The following CLTB variants were observed in gnomAD, a reference collection of about 807,000 sequenced individuals.
The protein encoded by CLTB is clathrin, light chain (Lcb).
In CLTB, 10 loss-of-function variants were observed where a neutral mutation model predicts 30.5. That is an observed-to-expected ratio of 0.33 (90% CI 0.20 to 0.56). The LOEUF (loss-of-function observed/expected upper bound fraction) is 0.56, where lower values mean the gene tolerates loss of function less well. Among genes scored for constraint, CLTB ranks in the 20% least tolerant of loss-of-function variants. The probability of loss-of-function intolerance (pLI) is 0.91; values close to 1 mark genes in which losing one functional copy is unlikely to be tolerated. For missense variants in CLTB, 261 were observed against 308.3 expected (o/e 0.85, Z 1.15); for synonymous variants, 102 against 120.3 (o/e 0.85, Z 1.00).
chr5:176,406,769 G>T, intron 2 of CLTB: 1 of 1,208,850 alleles, frequency 8.3e-7, no homozygotes, highest in Middle Eastern at 3.4e-4. Context: ...GAAAGTGTTG[G>T]GTGTGCACAG....
intron 5 of CLTB, among the ~76,000 whole-genome samples, chr5:176,394,908 AGCATC>A (rs1167818601): frequency 6.6e-6 from 1 of 152,078 alleles, no homozygotes; most frequent in Non-Finnish European, 1.5e-5. Context: ...GCTCAACAGA[AGCATC>A]GAGCCCCCTG....
At chr5:176,416,565 A>T, upstream of CLTB, 1 of 234,888 alleles carries the variant, frequency 4.3e-6, no homozygotes, top group Non-Finnish European at 7.7e-6. Flanking sequence ...CGGCGGGAGG[A>T]GCGGAGCCGG....
At chr5:176,396,142 CAAAA>C (rs1283361113) in intron 5 of CLTB, among the ~76,000 whole-genome samples, 3 of 152,100 alleles carry the variant, frequency 2.0e-5, no homozygotes, top group Admixed American at 2.0e-4. Context: ...TCTCAAAAAA[CAAAA>C]AACCCTTCAC....
At chr5:176,402,669 A>C (rs1222276703) in intron 2 of CLTB, among the ~76,000 whole-genome samples, 1 of 152,218 alleles carries the variant, frequency 6.6e-6, no homozygotes, top group Admixed American at 6.5e-5. Flanking sequence ...TTTCAAGAAT[A>C]CTGAATGAAT....
Position 176,416,517 on chromosome 5 carries a change from A to AG in CLTB, c.-155_-154insC. On this transcript the variant is annotated 5_prime_UTR_variant, in exon 1 of 6. Transcript: ENST00000310418. ...GCGCGGACCGCACTTCCTCTCCGCC[A>AG]CCGGGCCCGGCTGGCTGTCACTGCG... The AG allele has an allele frequency of 2.3e-6, 1 of 431,212 alleles. No individual in the cohort carries two copies. Among genetic ancestry groups the AG allele is most frequent in the Non-Finnish European group, 3.4e-6 (1 of 294,000 alleles). 26.7% of individuals were successfully genotyped at this position (431,212 alleles called of 1,614,324 possible). A position where few individuals can be genotyped will look rare whatever the true frequency, so the allele number is the denominator to read the frequency against.
intron 1 of CLTB, among the ~76,000 whole-genome samples, chr5:176,415,952 G>C (rs985697869): frequency 6.6e-6 from 1 of 152,214 alleles, no homozygotes; most frequent in Non-Finnish European, 1.5e-5. Context: ...GAAATGTCAT[G>C]ACCGAATTCC....
At chr5:176,394,791 G>C (rs1290640890) in intron 5 of CLTB, among the ~76,000 whole-genome samples, 1 of 151,920 alleles carries the variant, frequency 6.6e-6, no homozygotes, top group Non-Finnish European at 1.5e-5. Flanking sequence ...CTCCAGCCTG[G>C]GTGACAGAGC....
At chr5:176,394,853 C>G (rs1032484845) in intron 5 of CLTB, among the ~76,000 whole-genome samples, 1 of 152,072 alleles carries the variant, frequency 6.6e-6, no homozygotes. Context: ...GGTCTATACT[C>G]TCTCTTCAGG....
At chr5:176,400,558 C>T (rs1216263199) in intron 2 of CLTB, among the ~76,000 whole-genome samples, 1 of 152,194 alleles carries the variant, frequency 6.6e-6, no homozygotes, top group Non-Finnish European at 1.5e-5. Flanking sequence ...ACCCTCTGGT[C>T]TGGCAAAGCC....
At chr5:176,404,890 C>T (rs1484320423) in intron 2 of CLTB, among the ~76,000 whole-genome samples, 1 of 152,238 alleles carries the variant, frequency 6.6e-6, no homozygotes, top group East Asian at 1.9e-4. Context: ...CTGCCAGTGT[C>T]CCCTCACAGT....
chr5:176,406,766 T>C (rs1298854120), intron 2 of CLTB: 2 of 1,234,154 alleles, frequency 1.6e-6, no homozygotes, highest in Admixed American at 2.5e-5. Context: ...CTTGAAAGTG[T>C]TGGGTGTGCA....
At chr5:176,406,773 T>C (rs1356913591) in intron 2 of CLTB, 64 of 1,199,832 alleles carry the variant, frequency 5.3e-5, no homozygotes, top group Non-Finnish European at 6.9e-5. Context: ...GTGTTGGGTG[T>C]GCACAGGCCA....
intron 5 of CLTB, 117 bp downstream of exon 5, chr5:176,396,362 G>T: frequency 1.1e-6 from 1 of 946,272 alleles, no homozygotes; most frequent in South Asian, 1.3e-5. Flanking sequence ...CTCCTGTTCT[G>T]ACCATTGCTC....
intron 4 of CLTB, among the ~76,000 whole-genome samples, 156 bp downstream of exon 4, chr5:176,397,431 CCTCATGTCCCCACAGCCCGT>C (rs1756584525): frequency 7.0e-6 from 1 of 143,410 alleles, no homozygotes; most frequent in Non-Finnish European, 1.5e-5. Context: ...CCCACAGCTC[CCTCATGTCCCCACAGCCCGT>C]CTCATGTCCC....
At chr5:176,406,262 A>C in intron 2 of CLTB, 1 of 1,031,134 alleles carries the variant, frequency 9.7e-7, no homozygotes, top group Non-Finnish European at 1.2e-6. Flanking sequence ...CTCTGGAGAG[A>C]GAAAGGGGCA....
chr5:176,413,460 G>A (rs1231376282), intron 1 of CLTB, among the ~76,000 whole-genome samples: 1 of 152,198 alleles, frequency 6.6e-6, no homozygotes, highest in Admixed American at 6.5e-5. Flanking sequence ...AGATCACCCA[G>A]GGCCACAGAT....
At position 176,416,334 on chromosome 5, in the gene CLTB, C is replaced by A. The variant is rs1757691524; in HGVS notation, c.30G>T (p.Ser10=). The change falls in exon 1 of 6, where the codon TCG becomes TCT. Residue 10 remains serine, a synonymous_variant. Transcript: ENST00000310418. ...CCGCCTCCGGGGCACCGCTCTCCGA[C>A]GACGAGAAGAAGCCAAAGTCATCAG... MADDFGFFS[S]SESGAPEAAE... is the part of the protein sequence containing the mutation. 3 of 1,601,336 alleles carry A rather than the reference C, an allele frequency of 1.9e-6. No homozygotes were observed. Among genetic ancestry groups the A allele is most frequent in the Non-Finnish European group, 1.7e-6 (2 of 1,175,760 alleles).
chr5:176,397,943 C>G lies in CLTB; in HGVS notation c.339G>C (p.Arg113=). 1 of 1,613,916 alleles carries G rather than the reference C, an allele frequency of 6.2e-7. No individual in the cohort carries two copies. The highest frequency in any genetic ancestry group is 1.1e-5 in the South Asian group (1 of 91,086). ...CCCCGCCCTCACCCAGCTCTTGCAG[C>G]CGTTTCCTCTGCTCCTCTCGCCACT... ...IRKWREEQRK[R]LQELDAASKV... Residue 113 remains arginine (R), a synonymous_variant, in exon 3 of 6, where the codon CGG becomes CGC. Coordinates refer to ENST00000310418, the MANE Select transcript of CLTB (RefSeq NM_007097.5).
intron 5 of CLTB, among the ~76,000 whole-genome samples, chr5:176,395,959 A>G (rs1228379173): frequency 6.6e-6 from 1 of 152,116 alleles, no homozygotes; most frequent in African/African-American, 2.4e-5. Context: ...ACATGGTGAA[A>G]CCCCGTCTCT....
Sources: allele counts gnomAD v4.1 joint callset (sites outside exome capture counted in the v4.1 genomes callset), GRCh38; gene constraint gnomAD v4.1.1; transcripts MANE v1.5; gene names NCBI Gene and HGNC (gene_info 2026-07-23, HGNC 2026-07-21).